Variants in SPG7 observed in about 807,000 individuals in gnomAD.
The protein encoded by SPG7 is mitochondrial inner membrane m-AAA protease component paraplegin.
In SPG7, 103 loss-of-function variants were observed where a neutral mutation model predicts 81.9. The observed-to-expected ratio is 1.26, with a 90% CI of 1.07 to 1.48. The LOEUF is 1.48. SPG7 is among the 40% of genes most tolerant of loss of function. The pLI is 0.00. For synonymous variants in SPG7, 534 were observed against 444.2 expected (o/e 1.20, Z -2.54); for missense variants, 1,241 against 1,087.3 (o/e 1.14, Z -1.99).
At chr16:89,554,001 C>T (rs749079564) in intron 15 of SPG7, 41 bp downstream of exon 15, 14 of 1,602,160 alleles carry the variant, frequency 8.7e-6, no homozygotes, top group Admixed American at 3.3e-5. Context: ...CTGTGCTCCC[C>T]GGGGAGGGAG....
intron 14 of SPG7, 45 bp from the exon 15 acceptor site, chr16:89,553,749 C>G: frequency 1.9e-6 from 3 of 1,592,352 alleles, no homozygotes; most frequent in Non-Finnish European, 2.6e-6. Flanking sequence ...CACTGCTCTG[C>G]GCCTGCAGTG....
Position 89,529,653 on chromosome 16 carries a change from A to G in SPG7, c.861+74A>G, listed in dbSNP as rs1423204378. 8 of 1,095,030 alleles carry G rather than the reference A, an allele frequency of 7.3e-6. No homozygotes were observed. The East Asian group carries it at 7.5e-5, about 10-fold the overall frequency. 67.8% of individuals were successfully genotyped at this position (1,095,030 alleles called of 1,614,324 possible). A position where few individuals can be genotyped will look rare whatever the true frequency, so the allele number is the denominator to read the frequency against. The stretch of plus-strand genomic sequence containing the variant: ...GCTGAATACTTTTCCCATAAGCTAT[A>G]CGATGAATACACAGGGAAAACCTGT... On this transcript the variant is annotated intron_variant, in intron 6 of 16. Coordinates refer to ENST00000645818, the MANE Select transcript of SPG7 (RefSeq NM_003119.4).
intron 9 of SPG7, chr16:89,537,869 A>G (rs1597644849): frequency 1.4e-6 from 1 of 726,690 alleles, no homozygotes; most frequent in Non-Finnish European, 1.7e-6. Flanking sequence ...CAGTAAATGT[A>G]TCAAGCACGC....
At chr16:89,546,043 C>G (rs953920726) in intron 10 of SPG7, 85 of 358,650 alleles carry the variant, frequency 2.4e-4, no homozygotes, top group Non-Finnish European at 3.8e-4. Flanking sequence ...TGGTGTCAAA[C>G]CCCTGGCCTC....
At chr16:89,528,324 G>A (rs1015932257) in intron 5 of SPG7, among the ~76,000 whole-genome samples, 1 of 151,512 alleles carries the variant, frequency 6.6e-6, no homozygotes, top group Admixed American at 6.6e-5. Flanking sequence ...CCCGGGAGGC[G>A]GAGCTTACAG....
In SPG7 at chr16:89,530,905, C is replaced by T. The variant is rs930321528; in HGVS notation, c.987+97C>T. The T allele has an allele frequency of 4.9e-5, 76 of 1,556,014 alleles. 1 individual carries two copies. The highest frequency in any genetic ancestry group is 1.0e-4 in the Admixed American group (6 of 59,326). On this transcript the variant is annotated intron_variant, in intron 7 of 16. Transcript: ENST00000645818. Reference sequence around the variant, plus strand: ...GCGGGACCTGGAATTCCATCGATGACGTGTCGTGGGTTGGCGGTGACCTCT... The same window carrying T: ...GCGGGACCTGGAATTCCATCGATGATGTGTCGTGGGTTGGCGGTGACCTCT...
intron 5 of SPG7, chr16:89,526,781 G>T (rs996603893): frequency 5.4e-6 from 2 of 369,860 alleles, no homozygotes. Context: ...AGCCCCCGAC[G>T]TAAGATGCCG....
At position 89,557,075 on chromosome 16, in the gene SPG7, G is replaced by A. The variant is rs936520999; in HGVS notation, c.2370G>A (p.Glu790=). The part of the protein sequence containing the change: ...ETQQPPLGGE[E]PTWPK ...AGCAGCCTCCACTTGGAGGCGAAGA[G>A]CCGACTTGGCCCAAGTAGTTGGGAG... The change falls in exon 17 of 17, where the codon GAG becomes GAA. Residue 790 remains glutamate, a synonymous_variant. Coordinates refer to ENST00000645818, the MANE Select transcript of SPG7 (RefSeq NM_003119.4). The A allele has an allele frequency of 5.6e-5, 91 of 1,611,454 alleles. No individual in the cohort carries two copies. The highest frequency in any genetic ancestry group is 7.1e-5 in the Non-Finnish European group (84 of 1,179,956).
intron 4 of SPG7, among the ~76,000 whole-genome samples, chr16:89,525,951 C>T (rs553191450): frequency 1.3e-5 from 2 of 152,226 alleles, no homozygotes; most frequent in East Asian, 3.9e-4. Flanking sequence ...TCTTAGTTTT[C>T]CTATGAGTGG....
intron 3 of SPG7, chr16:89,521,403 G>T (rs887772117): frequency 6.6e-6 from 1 of 152,238 alleles, no homozygotes; most frequent in Non-Finnish European, 1.5e-5. Context: ...TGTGACGAAA[G>T]CAGAAGAGGT....
At chr16:89,528,113 G>C (rs1450399085) in intron 5 of SPG7, among the ~76,000 whole-genome samples, 2 of 150,964 alleles carry the variant, frequency 1.3e-5, no homozygotes, top group East Asian at 2.0e-4. Context: ...GGTTTGGGCC[G>C]GGCGCGGTGG....
chr16:89,512,270 C>G (rs896924591), intron 2 of SPG7, among the ~76,000 whole-genome samples: 3 of 151,258 alleles, frequency 2.0e-5, no homozygotes, highest in Non-Finnish European at 2.9e-5. Context: ...TGAGGAGTGT[C>G]GTGCCGGCCC....
chr16:89,516,846 C>T (rs1379958908), intron 3 of SPG7: 1 of 145,942 alleles, frequency 6.9e-6, no homozygotes, highest in Non-Finnish European at 1.5e-5. Context: ...GCCTGGGCGA[C>T]ACAGCAAGAC....
chr16:89,537,919 A>G (rs1032578830), intron 9 of SPG7: 5 of 319,508 alleles, frequency 1.6e-5, no homozygotes, highest in African/African-American at 9.0e-5. Context: ...AGGTGGGTAG[A>G]TGGGCGCTGG....
rs1312344024 is a variant in SPG7, at chr16:89,545,012, GGCTGCACTCACT to G, written c.1449+244_1449+255del. On this transcript the variant is annotated intron_variant, in intron 10 of 16. Transcript: ENST00000645818. ...ACGCCCCCTGGCAGACCTGCCCAAT[GGCTGCACTCACT>G]GCTCGGGGTTTTGCAGTTCTGTTCA... 3 of 574,944 alleles carry G rather than the reference GGCTGCACTCACT, an allele frequency of 5.2e-6. No individual in the cohort carries two copies. The African/African-American group carries it at 5.6e-5, about 11-fold the overall frequency. 35.6% of individuals were successfully genotyped at this position (574,944 alleles called of 1,614,324 possible).
chr16:89,518,498 C>A (rs754897373), intron 3 of SPG7: 1 of 151,500 alleles, frequency 6.6e-6, no homozygotes, highest in African/African-American at 2.4e-5. Flanking sequence ...TGAAAAAAGA[C>A]CCTGCTCACT....
chr16:89,512,357 C>G lies in SPG7; in HGVS notation c.287-591C>G, dbSNP rs2058034545. ...GTGAGTCGGAGTCTTGCTCTGTAAA[C>G]CAGGCTGGAGTGCAGTGGTGTGATC... On this transcript the variant is annotated intron_variant, in intron 2 of 16. Transcript: ENST00000645818. Among the ~76,000 whole-genome samples the G allele has an allele frequency of 2.0e-5, 3 of 152,176 alleles. No individual in the cohort carries two copies. In the South Asian group the frequency reaches 6.2e-4, roughly 32 times the overall value.
At chr16:89,546,637 T>G (rs767889371) in intron 10 of SPG7, 21 bp from the exon 11 acceptor site, 10 of 1,568,010 alleles carry the variant, frequency 6.4e-6, no homozygotes, top group Middle Eastern at 1.7e-4. Flanking sequence ...CCGACTGTCT[T>G]TCCTCCCCTG....
chr16:89,537,018 C>T lies in SPG7; in HGVS notation c.1324+4382C>T, dbSNP rs537414165. On this transcript the variant is annotated intron_variant, in intron 9 of 16. Coordinates refer to ENST00000645818, the MANE Select transcript of SPG7 (RefSeq NM_003119.4). Reference sequence around the variant, plus strand: ...CATCATAAGAATAGCTGCTTCCGCCCCCGGATTTGCTCAGGCCTGGGAATC... The same window carrying T: ...CATCATAAGAATAGCTGCTTCCGCCTCCGGATTTGCTCAGGCCTGGGAATC... The T allele has an allele frequency of 9.2e-5, 148 of 1,610,780 alleles. No individual in the cohort carries two copies. In the African/African-American group the frequency reaches 1.5e-3, roughly 17 times the overall value.
Sources: gnomAD v4.1 joint callset for allele counts (sites outside exome capture counted in the v4.1 genomes callset) on GRCh38, gnomAD v4.1.1 for gene constraint, MANE v1.5 for transcripts, NCBI Gene and HGNC (gene_info 2026-07-23, HGNC 2026-07-21) for gene names.